The following BMP1 variants were observed in gnomAD, a reference collection of about 807,000 sequenced individuals.
BMP1 encodes mammalian tolloid protein.
BMP1 carries 63 observed loss-of-function variants against 116.8 expected under a neutral mutation model. That is an observed-to-expected ratio of 0.54 (90% CI 0.44 to 0.67). BMP1 has a LOEUF of 0.67. Ranked by LOEUF, BMP1 falls within the 30% of genes least tolerant of loss-of-function variation. The pLI, the probability that BMP1 is intolerant of heterozygous loss-of-function variation, is 0.00. For synonymous variants in BMP1, 536 were observed against 533.4 expected (o/e 1.00, Z -0.07); for missense variants, 1,183 against 1,358.9 (o/e 0.87, Z 2.04).
rs1828442986 is a variant in BMP1 at position 22,176,604 on chromosome 8, C to T, written c.505C>T (p.Arg169Cys). The T allele has an allele frequency of 1.2e-6, 2 of 1,614,196 alleles. No individual in the cohort carries two copies. The highest frequency in any genetic ancestry group is 1.7e-5 in the Admixed American group (1 of 60,034). ...GCACACCTGTGTCACCTTCCTGGAGCGCACTGACGAGGACAGCTATATTGT... is the reference window on the plus strand; with the variant it reads ...GCACACCTGTGTCACCTTCCTGGAGTGCACTGACGAGGACAGCTATATTGT... ...EKHTCVTFLE[R>C]TDEDSYIVFT... Residue 169 changes from arginine (R) to cysteine (C), a missense_variant, in exon 4 of 20, where the codon CGC (arginine) becomes TGC (cysteine). Physicochemically the swap from Arg to Cys is radical, Grantham distance 180. Coordinates refer to ENST00000306385, the MANE Select transcript of BMP1 (RefSeq NM_006129.5).
At position 22,211,951 on chromosome 8, in the gene BMP1, C is replaced by T. The variant is rs79496486; in HGVS notation, c.*223C>T. On this transcript the variant is annotated 3_prime_UTR_variant, in exon 20 of 20. Coordinates refer to ENST00000306385, the MANE Select transcript of BMP1 (RefSeq NM_006129.5). The stretch of plus-strand genomic sequence containing the variant: ...CCAGCAAGGGGCTGGGGCCAGGGAG[C>T]AGAGCTTCCACAAGACATTTCGAAG... The T allele has an allele frequency of 1.2e-3, 766 of 624,574 alleles. 6 individuals are homozygous for T. The African/African-American group carries it at 0.012, about 10-fold the overall frequency. 38.7% of individuals were successfully genotyped at this position (624,574 alleles called of 1,614,324 possible).
At position 22,194,175 on chromosome 8, in the gene BMP1, G is replaced by T; in HGVS notation, c.1297+1G>T. ...AAGGGCTTCTTTGCAGTCTACGAAGGTACTGAGGAAGGCGGCGGGCGGGAG... is the reference window on the plus strand; with the variant it reads ...AAGGGCTTCTTTGCAGTCTACGAAGTTACTGAGGAAGGCGGCGGGCGGGAG... On this transcript the variant is annotated splice_donor_variant, in intron 10 of 19. Coordinates refer to ENST00000306385, the MANE Select transcript of BMP1 (RefSeq NM_006129.5). LOFTEE classifies it high-confidence loss of function. The surrounding 1 kb of genome is among the most constrained non-coding windows in gnomAD (Gnocchi z 4.5). 1 of 1,613,872 alleles carries T rather than the reference G, an allele frequency of 6.2e-7. No homozygotes were observed. The highest frequency in any genetic ancestry group is 8.5e-7 in the Non-Finnish European group (1 of 1,179,746).
chr8:22,189,457 C>CACACACATATCTTA (rs1022806349), intron 8 of BMP1, among the ~76,000 whole-genome samples: 1 of 146,956 alleles, frequency 6.8e-6, no homozygotes, highest in African/African-American at 2.5e-5. Flanking sequence ...CACACACACA[C>CACACACATATCTTA]ACACATATCT....
At chr8:22,187,939 C>T (rs1184081561) in intron 8 of BMP1, among the ~76,000 whole-genome samples, 2 of 152,056 alleles carry the variant, frequency 1.3e-5, no homozygotes, top group African/African-American at 4.8e-5. Context: ...GTTGATGGGC[C>T]TAAAGATCAT....
chr8:22,180,027 C>T (rs1055694172), intron 7 of BMP1, among the ~76,000 whole-genome samples, 198 bp downstream of exon 7: 5 of 152,010 alleles, frequency 3.3e-5, no homozygotes, highest in Non-Finnish European at 2.9e-5. Context: ...GGTCAGAAGC[C>T]GAGCCGCCAC....
chr8:22,183,119 T>TA (rs150366215), intron 8 of BMP1, among the ~76,000 whole-genome samples: 9,106 of 152,278 alleles, frequency 0.06, 806 homozygotes, highest in African/African-American at 0.19. Flanking sequence ...GAATCTCACT[T>TA]AAAAAATGGC....
intron 1 of BMP1, among the ~76,000 whole-genome samples, chr8:22,172,533 A>G (rs994389257): frequency 7.3e-5 from 11 of 151,664 alleles, no homozygotes; most frequent in African/African-American, 2.7e-4. Context: ...CTAGCTGGGA[A>G]GCTCCCAGAA....
At chr8:22,166,242 C>CT (rs1479014180) in intron 1 of BMP1, among the ~76,000 whole-genome samples, 2 of 152,016 alleles carry the variant, frequency 1.3e-5, no homozygotes, top group African/African-American at 4.8e-5. Context: ...CCAGAGACCC[C>CT]CGCCAAGGCC....
At chr8:22,210,446 C>CCTCTCT (rs35296515) in intron 19 of BMP1, among the ~76,000 whole-genome samples, 10 of 135,716 alleles carry the variant, frequency 7.4e-5, no homozygotes, top group Admixed American at 1.5e-4. Flanking sequence ...TCTCTCTTTC[C>CCTCTCT]CTCTCTCTCT....
chr8:22,175,711 C>T (rs939080875), intron 2 of BMP1, among the ~76,000 whole-genome samples: 1 of 152,228 alleles, frequency 6.6e-6, no homozygotes, highest in African/African-American at 2.4e-5. Context: ...CACGTATGTT[C>T]TCTGTGAGGC....
At chr8:22,202,088 C>T (rs1829277120) in intron 16 of BMP1, among the ~76,000 whole-genome samples, 160 bp downstream of exon 16, 1 of 152,220 alleles carries the variant, frequency 6.6e-6, no homozygotes, top group South Asian at 2.1e-4. Context: ...GATCCTCCTC[C>T]CGCAGTGTCG....
chr8:22,204,434 G>A (rs1424438760), intron 16 of BMP1, among the ~76,000 whole-genome samples: 2 of 152,204 alleles, frequency 1.3e-5, no homozygotes, highest in African/African-American at 4.8e-5. Context: ...TTGTAAATCT[G>A]AGTCGGGGCA....
chr8:22,198,798 C>A, intron 15 of BMP1: 1 of 397,062 alleles, frequency 2.5e-6, no homozygotes, highest in Non-Finnish European at 3.9e-6. Context: ...CTGCCAGCCA[C>A]CCTGCTCTGC....
chr8:22,171,350 G>GA (rs1828271559), intron 1 of BMP1: 2 of 152,322 alleles, frequency 1.3e-5, no homozygotes, highest in African/African-American at 4.8e-5. Flanking sequence ...AGCATGGTGT[G>GA]GAGTGTGGCT....
rs188936824 is a variant in BMP1 at position 22,209,929 on chromosome 8, C to G, written c.2826+234C>G. Reference sequence around the variant, plus strand: ...GTCCTTTCTGGGCAACCTAGAAGTTCCTGCGGCCTCTGACCCAGGCCTGCC... The same window carrying G: ...GTCCTTTCTGGGCAACCTAGAAGTTGCTGCGGCCTCTGACCCAGGCCTGCC... On this transcript the variant is annotated intron_variant, in intron 19 of 19. Transcript: ENST00000306385. Among the ~76,000 whole-genome samples, 7 of 152,384 alleles carry G rather than the reference C, an allele frequency of 4.6e-5. No individual in the cohort carries two copies. In the East Asian group the frequency reaches 1.4e-3, roughly 29 times the overall value.
chr8:22,197,166 G>T lies in BMP1; in HGVS notation c.1927-74G>T. Reference sequence around the variant, plus strand: ...AAGGCTAAAGGATGTGCAGAACAGAGAGCTTCCCGAGGGCAGGAGTAGTCA... The same window carrying T: ...AAGGCTAAAGGATGTGCAGAACAGATAGCTTCCCGAGGGCAGGAGTAGTCA... On this transcript the variant is annotated intron_variant, in intron 14 of 19. Coordinates refer to ENST00000306385, the MANE Select transcript of BMP1 (RefSeq NM_006129.5). The T allele has an allele frequency of 2.6e-6, 4 of 1,548,126 alleles. No individual in the cohort carries two copies. In the South Asian group the frequency reaches 4.9e-5, roughly 19 times the overall value.
intron 19 of BMP1, 122 bp from the exon 20 acceptor site, chr8:22,211,472 G>T: frequency 1.5e-6 from 2 of 1,374,026 alleles, no homozygotes; most frequent in Non-Finnish European, 2.0e-6. Flanking sequence ...GCTTCAAGGG[G>T]CGGGGAGAAT....
At chr8:22,193,441 T>C (rs1389390016) in intron 9 of BMP1, among the ~76,000 whole-genome samples, 1 of 152,242 alleles carries the variant, frequency 6.6e-6, no homozygotes, top group East Asian at 1.9e-4. Context: ...ATGATGGTAA[T>C]ATGCTCTTTA....
intron 16 of BMP1, among the ~76,000 whole-genome samples, chr8:22,205,345 G>A (rs1829332551): frequency 1.3e-5 from 2 of 152,178 alleles, no homozygotes; most frequent in South Asian, 2.1e-4. Context: ...AGATAGTGCT[G>A]TGCAGAGCCG....
Sources: allele counts gnomAD v4.1 joint callset (sites outside exome capture counted in the v4.1 genomes callset), GRCh38; gene constraint gnomAD v4.1.1; non-coding constraint Gnocchi (gnomAD v3.1); transcripts MANE v1.5; gene names NCBI Gene and HGNC (gene_info 2026-07-23, HGNC 2026-07-21).